Variants in PDE4D observed in about 807,000 individuals in gnomAD.
The protein encoded by PDE4D is 3',5'-cyclic-AMP phosphodiesterase 4D.
Under a neutral mutation model 87.4 loss-of-function variants are expected in PDE4D, and 24 were observed. The observed-to-expected ratio is 0.27, with a 90% CI of 0.20 to 0.39. PDE4D has a LOEUF of 0.39. Ranked by LOEUF, PDE4D falls within the 10% of genes least tolerant of loss-of-function variation. PDE4D has a pLI of 1.00. For missense variants in PDE4D, 714 were observed against 1,041.0 expected (o/e 0.69, Z 4.32); for synonymous variants, 384 against 383.2 (o/e 1.00, Z -0.02).
At chr5:60,041,384 T>C (rs1319393730) in intron 2 of PDE4D, among the ~76,000 whole-genome samples, 6 of 152,164 alleles carry the variant, frequency 3.9e-5, no homozygotes, top group East Asian at 1.9e-4. Flanking sequence ...GATGAAACAA[T>C]AGCTAATTCT....
At chr5:59,272,725 T>C (rs1027124039) in intron 1 of PDE4D, among the ~76,000 whole-genome samples, 1 of 152,118 alleles carries the variant, frequency 6.6e-6, no homozygotes, top group African/African-American at 2.4e-5. Flanking sequence ...TTGAAATTAA[T>C]AAAATTTTAA....
chr5:60,091,819 G>A (rs973475353), intron 2 of PDE4D, among the ~76,000 whole-genome samples: 7 of 151,980 alleles, frequency 4.6e-5, no homozygotes, highest in Admixed American at 2.0e-4. Context: ...TTGGGAGGCC[G>A]AGACAGGCGG....
intron 1 of PDE4D, among the ~76,000 whole-genome samples, chr5:60,402,494 A>AG (rs1481313256): frequency 6.6e-6 from 1 of 152,230 alleles, no homozygotes; most frequent in Non-Finnish European, 1.5e-5. Flanking sequence ...GGACACCTAC[A>AG]GCCACGAAGA....
chr5:59,139,717 C>A (rs1009568900), intron 5 of PDE4D, among the ~76,000 whole-genome samples: 7 of 151,714 alleles, frequency 4.6e-5, no homozygotes, highest in Admixed American at 2.6e-4. Context: ...TGGGCTCAAG[C>A]AATCTGCCCA....
intron 1 of PDE4D, among the ~76,000 whole-genome samples, chr5:59,219,038 C>T (rs1258232814): frequency 7.6e-5 from 7 of 92,110 alleles, no homozygotes; most frequent in African/African-American, 3.2e-4. Context: ...ACTCTGGGGA[C>T]TGTTGTGGGG....
Position 59,760,730 on chromosome 5 carries a change from A to G in PDE4D, c.455+132438T>C, listed in dbSNP as rs61610216. On this transcript the variant is annotated intron_variant, in intron 1 of 14. Coordinates refer to ENST00000340635, the MANE Select transcript of PDE4D (RefSeq NM_001104631.2). Reference sequence around the variant, plus strand: ...ATCTTAGTGAATGCTACCCATGAATATTAGTTTTTAATGGTTAATGTTTTC... The same window carrying G: ...ATCTTAGTGAATGCTACCCATGAATGTTAGTTTTTAATGGTTAATGTTTTC... Among the ~76,000 whole-genome samples, 1,239 of 152,320 alleles carry G rather than the reference A, an allele frequency of 8.1e-3. 10 individuals carry two copies. The highest frequency in any genetic ancestry group is 0.029 in the African/African-American group (1,188 of 41,582).
At chr5:59,558,352 A>G (rs2153690547) in intron 1 of PDE4D, among the ~76,000 whole-genome samples, 1 of 152,298 alleles carries the variant, frequency 6.6e-6, no homozygotes, top group East Asian at 1.9e-4. Context: ...AATCTAATGG[A>G]TAGAAAATGT....
intron 1 of PDE4D, among the ~76,000 whole-genome samples, chr5:59,288,224 C>G (rs1229565792): frequency 6.6e-6 from 1 of 151,912 alleles, no homozygotes; most frequent in African/African-American, 2.4e-5. Flanking sequence ...ATTCAGAATC[C>G]TATCAGATAA....
intron 6 of PDE4D, among the ~76,000 whole-genome samples, chr5:59,004,360 T>C (rs1248661393): frequency 6.6e-6 from 1 of 152,122 alleles, no homozygotes; most frequent in African/African-American, 2.4e-5. Context: ...CCTTACAGGG[T>C]TGTTGTGAGG....
At chr5:59,284,567 T>A (rs923999408) in intron 1 of PDE4D, among the ~76,000 whole-genome samples, 1 of 149,464 alleles carries the variant, frequency 6.7e-6, no homozygotes. Context: ...AAACAACAGG[T>A]GCTGGAGAGG....
At chr5:59,016,085 C>T (rs1014294649) in intron 6 of PDE4D, among the ~76,000 whole-genome samples, 1 of 152,122 alleles carries the variant, frequency 6.6e-6, no homozygotes, top group Non-Finnish European at 1.5e-5. Context: ...AATGAGAACA[C>T]TTGGACACAG....
chr5:59,566,028 T>C (rs1015782341), intron 1 of PDE4D, among the ~76,000 whole-genome samples: 1 of 152,186 alleles, frequency 6.6e-6, no homozygotes, highest in Admixed American at 6.5e-5. Flanking sequence ...TACAAACACA[T>C]GCATATGAGT....
intron 1 of PDE4D, chr5:59,586,834 G>A (rs775376752): frequency 2.0e-6 from 2 of 985,368 alleles, no homozygotes; most frequent in Non-Finnish European, 1.2e-6. Flanking sequence ...AAAACTTCAG[G>A]TTGCTTTGCC....
rs760185783 is a variant in PDE4D, at chr5:59,157,284, G to T, written c.808+23311C>A. The T allele has an allele frequency of 1.6e-5, 11 of 701,834 alleles. No individual in the cohort carries two copies. In the African/African-American group the frequency reaches 1.9e-4, roughly 12 times the overall value. 43.5% of individuals were successfully genotyped at this position (701,834 alleles called of 1,614,324 possible). Reference sequence around the variant, plus strand: ...GTGACTAAACAGCTGTAGTTTTCAAGGTCAGCCAAATCATCTGCCAGGGTC... The same window carrying T: ...GTGACTAAACAGCTGTAGTTTTCAATGTCAGCCAAATCATCTGCCAGGGTC... On this transcript the variant is annotated intron_variant, in intron 5 of 14. Coordinates refer to ENST00000340635, the MANE Select transcript of PDE4D (RefSeq NM_001104631.2).
intron 1 of PDE4D, among the ~76,000 whole-genome samples, chr5:59,791,796 T>G (rs1765823623): frequency 6.6e-6 from 1 of 152,180 alleles, no homozygotes; most frequent in Non-Finnish European, 1.5e-5. Flanking sequence ...CAAGTGCTGC[T>G]TCTGCCACTC....
intron 1 of PDE4D, among the ~76,000 whole-genome samples, chr5:59,663,826 A>T (rs1397316450): frequency 6.6e-6 from 1 of 152,216 alleles, no homozygotes; most frequent in Non-Finnish European, 1.5e-5. Flanking sequence ...AATTTGAACC[A>T]TATAAAGCCT....
At chr5:59,566,109 G>A (rs1820835623) in intron 1 of PDE4D, among the ~76,000 whole-genome samples, 1 of 152,210 alleles carries the variant, frequency 6.6e-6, no homozygotes, top group African/African-American at 2.4e-5. Flanking sequence ...AAATGAAAGT[G>A]TTAGAAGACT....
At position 60,154,368 on chromosome 5, in the gene PDE4D, C is replaced by T. The variant is rs569356591; in HGVS notation, c.42+31189G>A. ...CTTGGCTCACTGAGAACTCTGTCTCCCAGGTTCAAGCAATTCTCCTGCCTC... is the reference window on the plus strand; with the variant it reads ...CTTGGCTCACTGAGAACTCTGTCTCTCAGGTTCAAGCAATTCTCCTGCCTC... On this transcript the variant is annotated intron_variant, in intron 2 of 16. Transcript: ENST00000502484. Among the ~76,000 whole-genome samples the T allele has an allele frequency of 6.7e-4, 102 of 152,160 alleles. 1 individual carries two copies. Among genetic ancestry groups the T allele is most frequent in the African/African-American group, 2.3e-3 (97 of 41,514 alleles).
At chr5:60,152,448 T>C (rs1781591223) in intron 2 of PDE4D, among the ~76,000 whole-genome samples, 1 of 151,902 alleles carries the variant, frequency 6.6e-6, no homozygotes, top group Non-Finnish European at 1.5e-5. Context: ...GGTCAGGAGA[T>C]CGAGACCATC....
Sources: allele counts gnomAD v4.1 joint callset (sites outside exome capture counted in the v4.1 genomes callset), GRCh38; gene constraint gnomAD v4.1.1; transcripts MANE v1.5; gene names NCBI Gene and HGNC (gene_info 2026-07-23, HGNC 2026-07-21).